PIK3R4: variants seen among roughly 807,000 people sequenced by gnomAD.
PIK3R4 encodes the protein phosphoinositide 3-kinase regulatory subunit 4.
PIK3R4 carries 46 observed loss-of-function variants against 136.5 expected under a neutral mutation model. The observed-to-expected ratio is 0.34, with a 90% CI of 0.27 to 0.43. PIK3R4 has a LOEUF of 0.43. Among genes scored for constraint, PIK3R4 ranks in the 20% least tolerant of loss-of-function variants. PIK3R4 has a pLI of 1.00. For synonymous variants in PIK3R4, 557 were observed against 566.7 expected (o/e 0.98, Z 0.24); for missense variants, 1,331 against 1,649.5 (o/e 0.81, Z 3.35).
At position 130,681,065 on chromosome 3, in the gene PIK3R4, G is replaced by T. The variant is rs752038224; in HGVS notation, c.3709C>A (p.Pro1237Thr). The change falls in exon 18 of 20, where the codon CCT (proline) becomes ACT (threonine). Residue 1237 changes from proline (P) to threonine (T), a missense_variant and splice_region_variant. By Grantham distance (38) the Pro-to-Thr change is conservative. Coordinates refer to ENST00000356763, the MANE Select transcript of PIK3R4 (RefSeq NM_014602.3). ...SSAPPLSELQ[P>T]SPHSVHGIYC... ...ATACCATGGACGCTATGAGGAGAAGGCTTAAAAGAAATAGATGTGGAGTCA... is the reference window on the plus strand; with the variant it reads ...ATACCATGGACGCTATGAGGAGAAGTCTTAAAAGAAATAGATGTGGAGTCA... 1.3e-6 allele frequency: 2 copies of T among 1,533,546 alleles called. No homozygotes were observed. Among genetic ancestry groups the T allele is most frequent in the South Asian group, 1.1e-5 (1 of 89,388 alleles). 95.0% of individuals were successfully genotyped at this position (1,533,546 alleles called of 1,614,324 possible).
chr3:130,731,263 C>A (rs1421304328), intron 4 of PIK3R4, among the ~76,000 whole-genome samples: 3 of 152,220 alleles, frequency 2.0e-5, no homozygotes, highest in African/African-American at 7.2e-5. Flanking sequence ...CAGTGAATAG[C>A]ACTGAACGTA....
chr3:130,685,848 T>C (rs1191601477), intron 15 of PIK3R4, among the ~76,000 whole-genome samples: 1 of 152,152 alleles, frequency 6.6e-6, no homozygotes, highest in African/African-American at 2.4e-5. Flanking sequence ...CTAAAGCTAT[T>C]GGAATTTAAA....
At chr3:130,679,522 A>AAAGTC in intron 19 of PIK3R4, 37 bp from the exon 20 acceptor site, 2 of 1,524,808 alleles carry the variant, frequency 1.3e-6, no homozygotes, top group South Asian at 2.3e-5. Context: ...CCAGAGGTTA[A>AAAGTC]AAGTCTGTAC....
At chr3:130,689,381 A>G (rs2066504540) in intron 14 of PIK3R4, among the ~76,000 whole-genome samples, 1 of 152,172 alleles carries the variant, frequency 6.6e-6, no homozygotes. Context: ...AACTCAATAG[A>G]TATGTTACTA....
At chr3:130,714,585 C>G (rs975866805) in intron 9 of PIK3R4, among the ~76,000 whole-genome samples, 1 of 152,122 alleles carries the variant, frequency 6.6e-6, no homozygotes, top group Non-Finnish European at 1.5e-5. Flanking sequence ...ACTGACCCAT[C>G]CTCTAAGTTC....
chr3:130,734,396 C>A (rs1382766192), intron 3 of PIK3R4, among the ~76,000 whole-genome samples: 1 of 152,182 alleles, frequency 6.6e-6, no homozygotes, highest in African/African-American at 2.4e-5. Flanking sequence ...CTGTCCACAA[C>A]TCAAAGATTC....
Position 130,733,540 on chromosome 3 carries a change from A to G in PIK3R4, c.1450+8T>C. ...TAAGTGGCTAATATTTGGACAATAA[A>G]CTCTTACCAGCATAGGCTAGTCTAA... On this transcript the variant is annotated splice_region_variant and intron_variant, in intron 4 of 19. Transcript: ENST00000356763. 6.3e-7 allele frequency: 1 copy of G among 1,579,872 alleles called. No homozygotes were observed. Among genetic ancestry groups the G allele is most frequent in the Non-Finnish European group, 8.7e-7 (1 of 1,149,920 alleles).
At chr3:130,743,731 G>A (rs1304674059) in intron 2 of PIK3R4, among the ~76,000 whole-genome samples, 3 of 152,112 alleles carry the variant, frequency 2.0e-5, no homozygotes, top group African/African-American at 7.2e-5. Flanking sequence ...TCTTAAGCCG[G>A]TCACAATCAT....
intron 4 of PIK3R4, 42 bp from the exon 5 acceptor site, chr3:130,730,484 A>T: frequency 7.1e-7 from 1 of 1,402,992 alleles, no homozygotes; most frequent in Non-Finnish European, 9.7e-7. Flanking sequence ...TACAATCTTA[A>T]CTCTCTGTAA....
intron 13 of PIK3R4, among the ~76,000 whole-genome samples, chr3:130,692,157 G>T (rs2066523176): frequency 6.6e-6 from 1 of 151,990 alleles, no homozygotes; most frequent in Non-Finnish European, 1.5e-5. Flanking sequence ...TTACAGGTGT[G>T]AGCCACCACA....
chr3:130,711,447 AG>A (rs1277100024), intron 9 of PIK3R4, among the ~76,000 whole-genome samples: 2 of 152,234 alleles, frequency 1.3e-5, no homozygotes, highest in African/African-American at 4.8e-5. Context: ...TCTGTGGAGC[AG>A]AGAAATGAAG....
chr3:130,706,138 C>T (rs1339807508), intron 11 of PIK3R4, among the ~76,000 whole-genome samples: 1 of 152,148 alleles, frequency 6.6e-6, no homozygotes, highest in African/African-American at 2.4e-5. Flanking sequence ...TAGGAAAGAG[C>T]TGCCTTAAAT....
chr3:130,741,094 G>A (rs1321991505), intron 2 of PIK3R4, among the ~76,000 whole-genome samples: 1 of 152,124 alleles, frequency 6.6e-6, no homozygotes, highest in Non-Finnish European at 1.5e-5. Context: ...AGTGCCCCCT[G>A]CCTCCCCTCC....
intron 1 of PIK3R4, among the ~76,000 whole-genome samples, chr3:130,746,077 TC>T (rs1458235801): frequency 6.7e-6 from 1 of 149,916 alleles, no homozygotes; most frequent in Non-Finnish European, 1.5e-5. Context: ...CAAACTAAGA[TC>T]TAAAAATTCA....
In PIK3R4 at chr3:130,728,419, G is replaced by C. The variant is rs1347617899; in HGVS notation, c.1807+44C>G. 5.8e-6 allele frequency: 7 copies of C among 1,210,504 alleles called. No individual in the cohort carries two copies. In the East Asian group the frequency reaches 1.5e-4, roughly 26 times the overall value. 75.0% of individuals were successfully genotyped at this position (1,210,504 alleles called of 1,614,324 possible). A position where few individuals can be genotyped will look rare whatever the true frequency, so the allele number is the denominator to read the frequency against. ...TCAGATTGCATGGAAGTATTTGAGA[G>C]GATGATTAAAAATCTTAAAGGAATT... On this transcript the variant is annotated intron_variant, in intron 6 of 19. Coordinates refer to ENST00000356763, the MANE Select transcript of PIK3R4 (RefSeq NM_014602.3).
At chr3:130,721,131 C>T (rs947626247) in intron 7 of PIK3R4, among the ~76,000 whole-genome samples, 2 of 151,620 alleles carry the variant, frequency 1.3e-5, no homozygotes, top group East Asian at 1.9e-4. Context: ...GTCAGGAGAT[C>T]GAGACCATCC....
rs1394130539 is a variant in PIK3R4, at chr3:130,744,397, A to G, written c.733+89T>C. ...GACAAACCAAGACATTAACTTTTCA[A>G]TATCTGGTGACTAAAAAAAGCCACA... is the stretch of plus-strand genomic sequence containing the variant. On this transcript the variant is annotated intron_variant, in intron 2 of 19. Transcript: ENST00000356763. 44 of 1,386,160 alleles carry G rather than the reference A, an allele frequency of 3.2e-5. No homozygotes were observed. The East Asian group carries it at 6.0e-4, about 19-fold the overall frequency. 85.9% of individuals were successfully genotyped at this position (1,386,160 alleles called of 1,614,324 possible).
Position 130,686,405 on chromosome 3 carries a change from T to G in PIK3R4, c.3281A>C (p.Glu1094Ala). Residue 1094 changes from glutamate to alanine, a missense_variant, in exon 15 of 20, where the codon GAG (glutamate) becomes GCG (alanine). Coordinates refer to ENST00000356763, the MANE Select transcript of PIK3R4 (RefSeq NM_014602.3). ...PLQSRILDQK[E>A]DGCVVDMHHF... ...ATGCATATCCACAACACAACCGTCC[T>G]CCTTCTGATCTAGAATTCTAGAGAA... 1 of 1,608,808 alleles carries G rather than the reference T, an allele frequency of 6.2e-7. No individual in the cohort carries two copies. The highest frequency in any genetic ancestry group is 8.5e-7 in the Non-Finnish European group (1 of 1,175,208).
In PIK3R4 at chr3:130,736,730, C is replaced by T. The variant is rs142638382; in HGVS notation, c.734-728G>A. On this transcript the variant is annotated intron_variant, in intron 2 of 19. Transcript: ENST00000356763. ...GGAATTACTACTACAAAGTCATATCCGACAAATCATTTATTCATCATTAAA... is the reference window on the plus strand; with the variant it reads ...GGAATTACTACTACAAAGTCATATCTGACAAATCATTTATTCATCATTAAA... Among the ~76,000 whole-genome samples, 38 of 151,808 alleles carry T rather than the reference C, an allele frequency of 2.5e-4. 1 individual carries two copies. The East Asian group carries it at 5.6e-3, about 22-fold the overall frequency.
Sources: allele counts gnomAD v4.1 joint callset (sites outside exome capture counted in the v4.1 genomes callset), GRCh38; gene constraint gnomAD v4.1.1; transcripts MANE v1.5; gene names NCBI Gene and HGNC (gene_info 2026-07-23, HGNC 2026-07-21).